Variants in PALLD observed in about 807,000 individuals in gnomAD.
The protein encoded by PALLD is palladin.
PALLD carries 61 observed loss-of-function variants against 123.5 expected under a neutral mutation model. The ratio of observed to expected loss-of-function variants is 0.49; its 90% CI spans 0.40 to 0.61. The LOEUF (loss-of-function observed/expected upper bound fraction) is 0.61, where lower values mean the gene tolerates loss of function less well. Among genes scored for constraint, PALLD ranks in the 20% least tolerant of loss-of-function variants. The pLI, the probability that PALLD is intolerant of heterozygous loss-of-function variation, is 0.00. For synonymous variants in PALLD, 465 were observed against 496.4 expected (o/e 0.94, Z 0.84); for missense variants, 1,273 against 1,377.0 (o/e 0.92, Z 1.20).
intron 3 of PALLD, among the ~76,000 whole-genome samples, chr4:168,668,901 A>C (rs1450213027): frequency 1.3e-5 from 2 of 152,218 alleles, no homozygotes; most frequent in South Asian, 4.1e-4. Context: ...GTACGCAGAG[A>C]ATGGGCTATT....
At chr4:168,801,219 G>A (rs570750149) in intron 10 of PALLD, among the ~76,000 whole-genome samples, 1 of 152,256 alleles carries the variant, frequency 6.6e-6, no homozygotes, top group South Asian at 2.1e-4. Context: ...TTTTTTACCT[G>A]AGCAGTGGTT....
At chr4:168,871,145 T>G (rs1448000203) in intron 10 of PALLD, among the ~76,000 whole-genome samples, 1 of 152,226 alleles carries the variant, frequency 6.6e-6, no homozygotes, top group African/African-American at 2.4e-5. Flanking sequence ...TTATAAATAC[T>G]GACTGCATAC....
intron 8 of PALLD, among the ~76,000 whole-genome samples, chr4:168,699,793 C>T (rs963907345): frequency 6.6e-6 from 1 of 152,100 alleles, no homozygotes; most frequent in Non-Finnish European, 1.5e-5. Flanking sequence ...AAAACAGTTT[C>T]TGATTTAGTA....
At chr4:168,773,794 G>A (rs985521354) in intron 10 of PALLD, among the ~76,000 whole-genome samples, 3 of 151,918 alleles carry the variant, frequency 2.0e-5, no homozygotes, top group Admixed American at 1.3e-4. Context: ...CCACCTCGCC[G>A]CCTGTTCTCT....
intron 2 of PALLD, chr4:168,598,280 A>G (rs1772189103): frequency 2.1e-5 from 9 of 421,776 alleles, no homozygotes; most frequent in Middle Eastern, 8.7e-4. Context: ...AAAATATTCT[A>G]CAAGATCTGA....
At chr4:168,848,593 T>C (rs1055093239) in intron 10 of PALLD, among the ~76,000 whole-genome samples, 2 of 152,172 alleles carry the variant, frequency 1.3e-5, no homozygotes, top group South Asian at 2.1e-4. Flanking sequence ...AAGAGGGTTA[T>C]TGTCAAACTT....
At chr4:168,631,839 T>A in intron 2 of PALLD, 3 of 985,476 alleles carry the variant, frequency 3.0e-6, no homozygotes, top group Non-Finnish European at 3.6e-6. Context: ...AAGCGAGATC[T>A]GAAAGACCCC....
At chr4:168,561,587 C>A (rs538040835) in intron 2 of PALLD, among the ~76,000 whole-genome samples, 1 of 152,184 alleles carries the variant, frequency 6.6e-6, no homozygotes. Context: ...AGATGACCAA[C>A]TTTCAAAAAT....
intron 1 of PALLD, among the ~76,000 whole-genome samples, chr4:168,498,529 T>C (rs1236802236): frequency 6.6e-6 from 1 of 152,188 alleles, no homozygotes; most frequent in East Asian, 1.9e-4. Context: ...CCAAGTGGAA[T>C]CTGCAAGGCC....
intron 2 of PALLD, among the ~76,000 whole-genome samples, chr4:168,611,643 G>C (rs201438179): frequency 1.2e-4 from 19 of 152,208 alleles, no homozygotes; most frequent in Non-Finnish European, 2.6e-4. Flanking sequence ...AATTCTGCAG[G>C]CTACATTTCA....
intron 2 of PALLD, among the ~76,000 whole-genome samples, chr4:168,660,617 T>C (rs1411135580): frequency 6.6e-6 from 1 of 152,112 alleles, no homozygotes; most frequent in Non-Finnish European, 1.5e-5. Context: ...CACATATGTA[T>C]GTGTACGTAT....
In PALLD at chr4:168,695,801, CACTT is replaced by C. The variant is rs540993726; in HGVS notation, c.1501+4511_1501+4514del. On this transcript the variant is annotated intron_variant, in intron 8 of 21. Transcript: ENST00000505667. ...AAACACTAAATTGTTTAGGCATAAA[CACTT>C]ATTAAGTTCTTTGGAAATAACTACA... Among the ~76,000 whole-genome samples, 1,011 of 152,194 alleles carry C rather than the reference CACTT, an allele frequency of 6.6e-3. 8 individuals are homozygous for C. Among genetic ancestry groups the C allele is most frequent in the African/African-American group, 0.023 (950 of 41,530 alleles).
At chr4:168,572,824 C>T (rs1466514052) in intron 2 of PALLD, among the ~76,000 whole-genome samples, 10 of 151,482 alleles carry the variant, frequency 6.6e-5, no homozygotes, top group Admixed American at 6.6e-4. Context: ...AATAGTATAC[C>T]TTCTTTTGTG....
chr4:168,825,725 G>T (rs1369546290), intron 10 of PALLD, among the ~76,000 whole-genome samples: 1 of 145,538 alleles, frequency 6.9e-6, no homozygotes, highest in Non-Finnish European at 1.6e-5. Flanking sequence ...ATTGCTGAGA[G>T]AGTTTTACTT....
intron 2 of PALLD, among the ~76,000 whole-genome samples, chr4:168,545,552 C>A (rs546048885): frequency 2.0e-5 from 3 of 151,838 alleles, no homozygotes; most frequent in Non-Finnish European, 2.9e-5. Context: ...AACTCAGTTT[C>A]TTTTTCTCTA....
intron 10 of PALLD, among the ~76,000 whole-genome samples, chr4:168,784,859 C>A (rs1415258615): frequency 6.6e-6 from 1 of 152,112 alleles, no homozygotes; most frequent in Admixed American, 6.5e-5. Flanking sequence ...GAGCCACAAA[C>A]AATGCCGCCT....
intron 2 of PALLD, among the ~76,000 whole-genome samples, chr4:168,604,239 C>T (rs1373763327): frequency 6.6e-6 from 1 of 152,204 alleles, no homozygotes; most frequent in Non-Finnish European, 1.5e-5. Context: ...AAATTCATTA[C>T]AAGCCAAATT....
chr4:168,706,363 C>G (rs144411790), intron 8 of PALLD, among the ~76,000 whole-genome samples: 20 of 152,280 alleles, frequency 1.3e-4, no homozygotes, highest in South Asian at 4.1e-4. Context: ...AAGTTTTTCA[C>G]ACCCCATTCA....
intron 10 of PALLD, chr4:168,832,177 C>T: frequency 5.1e-6 from 5 of 985,464 alleles, no homozygotes; most frequent in Non-Finnish European, 6.0e-6. Flanking sequence ...CCGAGGTAGG[C>T]GCGGGGAATC....
Sources: allele counts gnomAD v4.1 joint callset (sites outside exome capture counted in the v4.1 genomes callset), GRCh38; gene constraint gnomAD v4.1.1; transcripts MANE v1.5; gene names NCBI Gene and HGNC (gene_info 2026-07-23, HGNC 2026-07-21).